AHI1: variants seen among roughly 807,000 people sequenced by gnomAD.
The protein encoded by AHI1 is jouberin.
AHI1 carries 123 observed loss-of-function variants against 149.3 expected under a neutral mutation model. The observed-to-expected ratio is 0.82, with a 90% CI of 0.71 to 0.96. AHI1 has a LOEUF of 0.96. Ranked by LOEUF, AHI1 falls within the 40% of genes least tolerant of loss-of-function variation. The pLI is 0.00. For missense variants in AHI1, 1,439 were observed against 1,422.7 expected (o/e 1.01, Z -0.18); for synonymous variants, 475 against 459.8 (o/e 1.03, Z -0.42).
intron 23 of AHI1, among the ~76,000 whole-genome samples, chr6:135,363,792 C>T (rs573784168): frequency 2.4e-4 from 35 of 147,864 alleles, no homozygotes; most frequent in African/African-American, 6.8e-4. Context: ...CCCTCCGGGA[C>T]GGGGTGGTGG....
At chr6:135,319,762 ATTGTCT>A (rs774337570) in intron 25 of AHI1, among the ~76,000 whole-genome samples, 43 of 152,176 alleles carry the variant, frequency 2.8e-4, no homozygotes, top group Non-Finnish European at 6.2e-4. Flanking sequence ...AGATATACTA[ATTGTCT>A]TTGTATGTGG....
At chr6:135,490,377 A>G in intron 5 of AHI1, 1 of 648,688 alleles carries the variant, frequency 1.5e-6, no homozygotes, top group Non-Finnish European at 2.8e-6. Flanking sequence ...TTTCCCCACT[A>G]TCTCTGGTCA....
intron 10 of AHI1, 22 bp from the exon 11 acceptor site, chr6:135,453,458 A>C: frequency 1.4e-6 from 2 of 1,467,366 alleles, no homozygotes; most frequent in Non-Finnish European, 1.9e-6. Context: ...TTCACAGAAG[A>C]CTAAGCTACC....
chr6:135,483,125 C>G (rs949082692), intron 5 of AHI1, among the ~76,000 whole-genome samples: 62 of 151,250 alleles, frequency 4.1e-4, no homozygotes, highest in Middle Eastern at 3.4e-3. Context: ...GTCTTGAACT[C>G]CTGACTTCGT....
At chr6:135,289,216 C>T (rs1782041822) in intron 28 of AHI1, among the ~76,000 whole-genome samples, 1 of 151,886 alleles carries the variant, frequency 6.6e-6, no homozygotes, top group African/African-American at 2.4e-5. Flanking sequence ...TTACTCCTGG[C>T]CAGGTGCGGT....
intron 26 of AHI1, among the ~76,000 whole-genome samples, chr6:135,314,587 C>T (rs1023183140): frequency 6.6e-6 from 1 of 152,238 alleles, no homozygotes; most frequent in Admixed American, 6.5e-5. Context: ...GTATCCCTTA[C>T]AGTCCTTACA....
At chr6:135,307,555 G>A in intron 26 of AHI1, among the ~76,000 whole-genome samples, 1 of 151,918 alleles carries the variant, frequency 6.6e-6, no homozygotes, top group Non-Finnish European at 1.5e-5. Context: ...GTAGTCTACA[G>A]CTCATATACA....
chr6:135,452,328 A>AGAT (rs893397346), intron 11 of AHI1, among the ~76,000 whole-genome samples: 2 of 152,244 alleles, frequency 1.3e-5, no homozygotes, highest in African/African-American at 4.8e-5. Flanking sequence ...TTGAAGGAAA[A>AGAT]GATAATTACA....
intron 2 of AHI1, among the ~76,000 whole-genome samples, chr6:135,496,598 A>G (rs1461989718): frequency 6.6e-6 from 1 of 152,220 alleles, no homozygotes; most frequent in African/African-American, 2.4e-5. Flanking sequence ...GAGATATTAC[A>G]CAGGAAAATT....
At chr6:135,471,640 C>T (rs970620237) in intron 5 of AHI1, among the ~76,000 whole-genome samples, 5 of 140,460 alleles carry the variant, frequency 3.6e-5, no homozygotes, top group African/African-American at 1.3e-4. Flanking sequence ...ATACCTTTGC[C>T]AATTTTTTAC....
chr6:135,473,432 T>C (rs1792077925), intron 5 of AHI1, among the ~76,000 whole-genome samples: 1 of 152,182 alleles, frequency 6.6e-6, no homozygotes, highest in African/African-American at 2.4e-5. Flanking sequence ...AGGTCTGTTG[T>C]TTACAGTTCC....
At chr6:135,487,202 A>C (rs566446018) in intron 5 of AHI1, among the ~76,000 whole-genome samples, 1 of 152,170 alleles carries the variant, frequency 6.6e-6, no homozygotes, top group African/African-American at 2.4e-5. Context: ...AACTCACTTA[A>C]TTTTTTTAAC....
At position 135,428,704 on chromosome 6, in the gene AHI1, T is replaced by C. The variant is rs779509262; in HGVS notation, c.2548A>G (p.Thr850Ala). The C allele has an allele frequency of 2.3e-5, 37 of 1,608,500 alleles. No individual in the cohort carries two copies. The African/African-American group carries it at 3.5e-4, about 15-fold the overall frequency. The change falls in exon 19 of 29, where the codon ACT becomes GCT. Residue 850 changes from threonine (T) to alanine (A), a missense_variant. Coordinates refer to ENST00000265602, the MANE Select transcript of AHI1 (RefSeq NM_001134831.2). Reference protein sequence around the residue: ...AANYREKIHSTLTPCGTFLFA... With the variant: ...AANYREKIHSALTPCGTFLFA... Reference sequence around the variant, plus strand: ...AGAAAAGTCCCACATGGAGTCAAAGTACTATGAATCTTCTCCCGATAATTT... The same window carrying C: ...AGAAAAGTCCCACATGGAGTCAAAGCACTATGAATCTTCTCCCGATAATTT...
rs1167738995 is a variant in AHI1, at chr6:135,429,912, T to C, written c.2462A>G (p.Asp821Gly). 6.3e-7 allele frequency: 1 copy of C among 1,584,692 alleles called. No individual in the cohort carries two copies. Among genetic ancestry groups the C allele is most frequent in the Non-Finnish European group, 8.6e-7 (1 of 1,161,230 alleles). Reference protein sequence around the residue: ...NGKRLLIHTKDSTLRIMDLRI... With the variant: ...NGKRLLIHTKGSTLRIMDLRI... ...GAGATCCATAATTCTCAAAGTACTGTCTTTGGTATGGATTAACAAACGTTT... is the reference window on the plus strand; with the variant it reads ...GAGATCCATAATTCTCAAAGTACTGCCTTTGGTATGGATTAACAAACGTTT... The change falls in exon 18 of 29, where the codon GAC becomes GGC. Residue 821 changes from aspartate (D) to glycine (G), a missense_variant. Asp to Gly is a moderately conservative substitution (Grantham distance 94). Transcript: ENST00000265602.
chr6:135,305,960 T>G (rs1470148459), intron 26 of AHI1, among the ~76,000 whole-genome samples: 2 of 152,178 alleles, frequency 1.3e-5, no homozygotes, highest in East Asian at 3.9e-4. Context: ...AAAACCTAAT[T>G]CATCCACTTC....
chr6:135,337,744 T>C (rs2128406633), intron 24 of AHI1, among the ~76,000 whole-genome samples: 1 of 131,314 alleles, frequency 7.6e-6, no homozygotes, highest in South Asian at 2.5e-4. Flanking sequence ...CAGCCTGGGT[T>C]ACAGAGTGAG....
intron 5 of AHI1, among the ~76,000 whole-genome samples, chr6:135,488,969 A>T (rs1169378849): frequency 6.6e-6 from 1 of 152,208 alleles, no homozygotes; most frequent in East Asian, 1.9e-4. Context: ...TACAGAAATA[A>T]AACCCTGTAA....
intron 5 of AHI1, among the ~76,000 whole-genome samples, chr6:135,473,213 C>T (rs1449961613): frequency 2.6e-5 from 4 of 152,000 alleles, no homozygotes; most frequent in African/African-American, 7.2e-5. Flanking sequence ...TTATCCTTGC[C>T]TTTAGTGAAT....
intron 20 of AHI1, among the ~76,000 whole-genome samples, chr6:135,414,185 C>T (rs758395099): frequency 3.3e-5 from 5 of 152,006 alleles, no homozygotes; most frequent in Admixed American, 6.6e-5. Context: ...GTATAAAGGC[C>T]ATTCAGTGGA....
Sources: allele counts gnomAD v4.1 joint callset (sites outside exome capture counted in the v4.1 genomes callset), GRCh38; gene constraint gnomAD v4.1.1; transcripts MANE v1.5; gene names NCBI Gene and HGNC (gene_info 2026-07-23, HGNC 2026-07-21).